The following RAB27A variants were observed in gnomAD, a reference collection of about 807,000 sequenced individuals.
The protein encoded by RAB27A is RAB27A, member RAS oncogene family, also known as ras-related protein Rab-27A.
In RAB27A, 17 loss-of-function variants were observed where a neutral mutation model predicts 20.8. The observed-to-expected ratio is 0.82, with a 90% CI of 0.56 to 1.23. The LOEUF is 1.23. Among genes scored for constraint, RAB27A ranks in the 50% most tolerant of loss-of-function variants. RAB27A has a pLI of 0.00. For synonymous variants in RAB27A, 85 were observed against 92.8 expected (o/e 0.92, Z 0.48); for missense variants, 277 against 266.7 (o/e 1.04, Z -0.27).
At chr15:55,216,292 G>T (rs903335009) in intron 6 of RAB27A, among the ~76,000 whole-genome samples, 5 of 152,168 alleles carry the variant, frequency 3.3e-5, no homozygotes, top group African/African-American at 1.2e-4. Context: ...CCAGCACTTT[G>T]AGAGGCCAAG....
chr15:55,292,782 T>C (rs2054929972), upstream of RAB27A, among the ~76,000 whole-genome samples: 1 of 152,212 alleles, frequency 6.6e-6, no homozygotes, highest in Non-Finnish European at 1.5e-5. Context: ...ACAGAAAACA[T>C]GTGCTGTAGC....
At chr15:55,314,912 C>CT (rs1259407511) in intron 1 of RAB27A, among the ~76,000 whole-genome samples, 1 of 152,102 alleles carries the variant, frequency 6.6e-6, no homozygotes, top group South Asian at 2.1e-4. Flanking sequence ...GAAAAAAATA[C>CT]TTTAAATTTC....
chr15:55,292,623 C>CA (rs1165103292), upstream of RAB27A, among the ~76,000 whole-genome samples: 1 of 152,152 alleles, frequency 6.6e-6, no homozygotes, highest in Non-Finnish European at 1.5e-5. Context: ...AACCATTAAG[C>CA]AACAGGAAGA....
chr15:55,210,062 GTGTGTGTACATATACATATATACA>G (rs1566896773), intron 6 of RAB27A, among the ~76,000 whole-genome samples: 8 of 141,608 alleles, frequency 5.6e-5, no homozygotes, highest in African/African-American at 2.1e-4. Context: ...ATACACATAT[GTGTGTGTACATATACATATATACA>G]CATATATGTG....
chr15:55,293,494 C>G (rs964249071), upstream of RAB27A, among the ~76,000 whole-genome samples: 1 of 150,454 alleles, frequency 6.6e-6, no homozygotes, highest in Non-Finnish European at 1.5e-5. Flanking sequence ...GAAAAGGAAA[C>G]TTTAAAAGTT....
At chr15:55,282,885 A>G (rs1343318946) in intron 1 of RAB27A, among the ~76,000 whole-genome samples, 1 of 151,792 alleles carries the variant, frequency 6.6e-6, no homozygotes, top group African/African-American at 2.4e-5. Context: ...CTCAACTGCA[A>G]CTGCCCATCA....
intron 1 of RAB27A, among the ~76,000 whole-genome samples, chr15:55,274,796 ATATATATATATATAT>A (rs1897809351): frequency 1.3e-5 from 1 of 78,660 alleles, no homozygotes. Flanking sequence ...TAAATAAATT[ATATATATATATATAT>A]ATATATATAT....
chr15:55,315,168 C>A (rs995048709), intron 1 of RAB27A, among the ~76,000 whole-genome samples: 1 of 152,120 alleles, frequency 6.6e-6, no homozygotes, highest in Non-Finnish European at 1.5e-5. Context: ...GGAAAGGATT[C>A]CCTATTTAAT....
chr15:55,216,630 A>T lies in RAB27A; in HGVS notation c.467+7259T>A, dbSNP rs1895320118. ...ATTCTCAATCTGTGTGTTGTGTGAAAAAAAAAGAATAAAAAATAAAAATAA... is the reference window on the plus strand; with the variant it reads ...ATTCTCAATCTGTGTGTTGTGTGAATAAAAAAGAATAAAAAATAAAAATAA... On this transcript the variant is annotated intron_variant, in intron 6 of 6. Transcript: ENST00000336787. Among the ~76,000 whole-genome samples the T allele has an allele frequency of 2.0e-5, 3 of 152,212 alleles. No homozygotes were observed. In the East Asian group the frequency reaches 5.8e-4, roughly 29 times the overall value.
chr15:55,280,067 C>G, intron 1 of RAB27A, among the ~76,000 whole-genome samples: 1 of 152,154 alleles, frequency 6.6e-6, no homozygotes, highest in South Asian at 2.1e-4. Flanking sequence ...TGGTCCTAAT[C>G]TGACACTTTG....
intron 2 of RAB27A, among the ~76,000 whole-genome samples, chr15:55,255,400 A>G (rs187987601): frequency 6.6e-6 from 1 of 152,182 alleles, no homozygotes; most frequent in African/African-American, 2.4e-5. Context: ...GGTGTGTTTC[A>G]TCTCTTTGGT....
At chr15:55,216,307 G>C (rs1056794165) in intron 6 of RAB27A, among the ~76,000 whole-genome samples, 14 of 152,098 alleles carry the variant, frequency 9.2e-5, no homozygotes, top group African/African-American at 2.9e-4. Context: ...GCCAAGGCAG[G>C]GTCGGAGTTG....
At chr15:55,227,476 C>T (rs1895856592) in intron 5 of RAB27A, among the ~76,000 whole-genome samples, 1 of 151,958 alleles carries the variant, frequency 6.6e-6, no homozygotes, top group African/African-American at 2.4e-5. Flanking sequence ...GAAGTGAAGC[C>T]CCAGTAAGCA....
intron 2 of RAB27A, among the ~76,000 whole-genome samples, chr15:55,303,971 G>A (rs538095365): frequency 4.0e-5 from 6 of 149,588 alleles, no homozygotes; most frequent in African/African-American, 1.5e-4. Context: ...GTGCCCAACA[G>A]CTCATTGAGA....
At position 55,302,284 on chromosome 15, in the gene RAB27A, G is replaced by A. The variant is rs570418709; in HGVS notation, c.-112+11755C>T. On this transcript the variant is annotated intron_variant, in intron 2 of 5. Transcript: ENST00000563262. ...GAGACGGGGTTTCGCTGTGTTGGCC[G>A]GGCCGGTCTCCAGCCCCTAACCGCG... Among the ~76,000 whole-genome samples, 217 of 152,026 alleles carry A rather than the reference G, an allele frequency of 1.4e-3. 2 individuals carry two copies. Among genetic ancestry groups the A allele is most frequent in the African/African-American group, 4.8e-3 (200 of 41,466 alleles).
intron 6 of RAB27A, chr15:55,206,293 G>A: frequency 1.3e-6 from 1 of 750,794 alleles, no homozygotes; most frequent in Non-Finnish European, 1.6e-6. Flanking sequence ...TTTATAAAAA[G>A]ATATAAGTAG....
intron 6 of RAB27A, among the ~76,000 whole-genome samples, chr15:55,215,203 G>A (rs1250405971): frequency 6.6e-5 from 10 of 152,108 alleles, no homozygotes; most frequent in Non-Finnish European, 1.5e-5. Flanking sequence ...CAACTCCAGA[G>A]TCTCCAGCCT....
chr15:55,262,412 G>T (rs938400763), intron 2 of RAB27A, among the ~76,000 whole-genome samples: 1 of 151,480 alleles, frequency 6.6e-6, no homozygotes, highest in African/African-American at 2.4e-5. Flanking sequence ...CGTGGTGGTA[G>T]GCACCTGTAG....
In RAB27A at chr15:55,317,429, C is replaced by G. The variant is rs550773206; in HGVS notation, c.-234+1502G>C. 5 of 245,432 alleles carry G rather than the reference C, an allele frequency of 2.0e-5. No individual in the cohort carries two copies. In the East Asian group the frequency reaches 3.5e-4, roughly 17 times the overall value. 15.2% of individuals were successfully genotyped at this position (245,432 alleles called of 1,614,324 possible). A position where few individuals can be genotyped will look rare whatever the true frequency, so the allele number is the denominator to read the frequency against. On this transcript the variant is annotated intron_variant, in intron 1 of 5. Coordinates refer to the RAB27A transcript ENST00000563262. The stretch of plus-strand genomic sequence containing the variant: ...TCCCAGGTTCAAGTGATGCTCCTGC[C>G]TCAGCCTCCCAAGTAGCTGGGATTA...
Sources: allele counts gnomAD v4.1 joint callset (sites outside exome capture counted in the v4.1 genomes callset), GRCh38; gene constraint gnomAD v4.1.1; transcripts MANE v1.5; gene names NCBI Gene and HGNC (gene_info 2026-07-23, HGNC 2026-07-21).